Variants in CCL17 observed in about 807,000 individuals in gnomAD.
The protein encoded by CCL17 is C-C motif chemokine ligand 17, also known as C-C motif chemokine 17.
CCL17 carries 8 observed loss-of-function variants against 7.4 expected under a neutral mutation model. The observed-to-expected ratio is 1.09, with a 90% CI of 0.64 to 1.96. The LOEUF (loss-of-function observed/expected upper bound fraction) is 1.96, where lower values mean the gene tolerates loss of function less well. CCL17 is among the 30% of genes most tolerant of loss of function. The pLI is 0.00. For synonymous variants in CCL17, 40 were observed against 46.1 expected (o/e 0.87, Z 0.54); for missense variants, 102 against 113.0 (o/e 0.90, Z 0.44).
intron 1 of CCL17, among the ~76,000 whole-genome samples, chr16:57,409,780 C>A (rs766820774): frequency 6.6e-6 from 1 of 152,116 alleles, no homozygotes; most frequent in African/African-American, 2.4e-5. Context: ...TCAATGGGCA[C>A]GTCAAGTCTT....
At chr16:57,401,243 G>T (rs1303471719), upstream of CCL17, among the ~76,000 whole-genome samples, 7 of 152,100 alleles carry the variant, frequency 4.6e-5, no homozygotes, top group East Asian at 1.4e-3. Flanking sequence ...GCATGAACAG[G>T]CCCGGTGTGG....
chr16:57,415,690 C>G lies in CCL17; in HGVS notation c.189-75C>G. ...TGGAGCCTTGGAATCCTGGTCAGCA[C>G]AGGGCGGGCCGTCCCAGGGACTCTG... On this transcript the variant is annotated intron_variant, in intron 3 of 3. Transcript: ENST00000219244. This position sits in a 1 kb window ranked among gnomAD's most constrained non-coding sequence, Gnocchi z 4.5. 2 of 926,300 alleles carry G rather than the reference C, an allele frequency of 2.2e-6. No individual in the cohort carries two copies. The highest frequency in any genetic ancestry group is 2.6e-5 in the South Asian group (2 of 75,704). 57.4% of individuals were successfully genotyped at this position (926,300 alleles called of 1,614,324 possible). A position where few individuals can be genotyped will look rare whatever the true frequency, so the allele number is the denominator to read the frequency against.
intron 1 of CCL17, among the ~76,000 whole-genome samples, chr16:57,412,722 C>T (rs1488565953): frequency 6.6e-6 from 1 of 152,102 alleles, no homozygotes; most frequent in African/African-American, 2.4e-5. Flanking sequence ...CTGCCTGGAG[C>T]TGCCCTTCCC....
chr16:57,401,311 G>T (rs1306640778), upstream of CCL17, among the ~76,000 whole-genome samples: 1 of 152,020 alleles, frequency 6.6e-6, no homozygotes, highest in Non-Finnish European at 1.5e-5. Context: ...ATCATCTGAG[G>T]TCAGGAGTTT....
the CCL17 span, among the ~76,000 whole-genome samples, chr16:57,398,911 A>C: frequency 0.44 from 67,374 of 152,086 alleles, 17,215 homozygotes; most frequent in Non-Finnish European, 0.58. Context: ...GCTATCCCTA[A>C]ACCTTGAGGC....
chr16:57,415,595 C>T lies in CCL17; in HGVS notation c.189-170C>T, dbSNP rs1342358343. ...GCTCCCTGGGAGGGTCGAGATTACT[C>T]GGGACAGAGCCTGAAGTCCCAGATC... On this transcript the variant is annotated intron_variant, in intron 3 of 3. Transcript: ENST00000219244. This position sits in a 1 kb window ranked among gnomAD's most constrained non-coding sequence, Gnocchi z 4.5. Among the ~76,000 whole-genome samples, 3 of 152,182 alleles carry T rather than the reference C, an allele frequency of 2.0e-5. No homozygotes were observed. The highest frequency in any genetic ancestry group is 2.0e-4 in the Admixed American group (3 of 15,280).
At chr16:57,408,921 G>A (rs149954828) in intron 1 of CCL17, among the ~76,000 whole-genome samples, 6,496 of 152,110 alleles carry the variant, frequency 0.043, 182 homozygotes, top group Middle Eastern at 0.085. Context: ...TGTTGCCCAG[G>A]CTTGTCTTGA....
intron 1 of CCL17, among the ~76,000 whole-genome samples, chr16:57,410,621 A>T (rs1902768488): frequency 6.6e-6 from 1 of 152,168 alleles, no homozygotes; most frequent in African/African-American, 2.4e-5. Context: ...ATCTCTCAAG[A>T]TGCTTCTCAC....
chr16:57,402,862 C>T (rs1473682920), upstream of CCL17, among the ~76,000 whole-genome samples: 4 of 151,274 alleles, frequency 2.6e-5, no homozygotes, highest in South Asian at 2.1e-4. Flanking sequence ...TACCATGTGC[C>T]GAGATATATT....
At chr16:57,406,289 C>T (rs1414265923) in intron 1 of CCL17, among the ~76,000 whole-genome samples, 1 of 152,184 alleles carries the variant, frequency 6.6e-6, no homozygotes, top group East Asian at 1.9e-4. Context: ...CCATGATTGG[C>T]TAATTTTCAT....
intron 1 of CCL17, 33 bp downstream of exon 1, chr16:57,404,869 C>T (rs1488089132): frequency 5.8e-5 from 9 of 154,382 alleles, no homozygotes; most frequent in Non-Finnish European, 1.2e-4. Context: ...CTCCTAACCC[C>T]TCCACTGTGA....
intron 1 of CCL17, among the ~76,000 whole-genome samples, chr16:57,408,809 T>C (rs866127867): frequency 4.3e-4 from 65 of 151,880 alleles, no homozygotes; most frequent in African/African-American, 1.5e-3. Flanking sequence ...CTCCTGACCT[T>C]GTGATCCGCC....
At chr16:57,413,817 C>T (rs759516574) in intron 1 of CCL17, 57 bp from the exon 2 acceptor site, 187 of 734,926 alleles carry the variant, frequency 2.5e-4, no homozygotes, top group African/African-American at 2.2e-3. Flanking sequence ...GACAGAGGGG[C>T]GGGGCAAGAC....
chr16:57,410,888 G>C (rs576820256), intron 1 of CCL17, among the ~76,000 whole-genome samples: 1 of 152,198 alleles, frequency 6.6e-6, no homozygotes, highest in Non-Finnish European at 1.5e-5. Context: ...CACCATGCTT[G>C]GTGCTGGGGA....
chr16:57,410,090 T>A (rs16956811), intron 1 of CCL17, among the ~76,000 whole-genome samples: 1 of 151,996 alleles, frequency 6.6e-6, no homozygotes, highest in African/African-American at 2.4e-5. Flanking sequence ...CAAATGCAAC[T>A]GAAGATGATG....
At chr16:57,406,332 T>C (rs1416376800) in intron 1 of CCL17, among the ~76,000 whole-genome samples, 1 of 152,178 alleles carries the variant, frequency 6.6e-6, no homozygotes, top group Non-Finnish European at 1.5e-5. Flanking sequence ...AGTCTCACTA[T>C]GTTGCCCAGG....
chr16:57,406,919 G>A (rs1260944603), intron 1 of CCL17, among the ~76,000 whole-genome samples: 1 of 152,216 alleles, frequency 6.6e-6, no homozygotes, highest in Non-Finnish European at 1.5e-5. Flanking sequence ...ATGTAAGGCA[G>A]TGGGAGGTTC....
upstream of CCL17, among the ~76,000 whole-genome samples, chr16:57,400,400 C>A (rs1902576482): frequency 6.6e-6 from 1 of 151,018 alleles, no homozygotes; most frequent in Admixed American, 6.6e-5. Context: ...AGGAACTAGA[C>A]AGGGGCAATG....
At chr16:57,405,594 G>A (rs1902682385) in intron 1 of CCL17, among the ~76,000 whole-genome samples, 1 of 152,180 alleles carries the variant, frequency 6.6e-6, no homozygotes, top group Admixed American at 6.5e-5. Context: ...TCACAGGTTA[G>A]TGTGGGGGAC....
Sources: gnomAD v4.1 joint callset for allele counts (sites outside exome capture counted in the v4.1 genomes callset) on GRCh38, gnomAD v4.1.1 for gene constraint, Gnocchi (gnomAD v3.1) non-coding constraint, MANE v1.5 for transcripts, NCBI Gene and HGNC (gene_info 2026-07-23, HGNC 2026-07-21) for gene names.